Variants in BRINP3 observed in about 807,000 individuals in gnomAD.
BRINP3 encodes the protein BMP/retinoic acid-inducible neural-specific protein 3.
Under a neutral mutation model 71.0 loss-of-function variants are expected in BRINP3, and 19 were observed. The observed-to-expected ratio is 0.27, with a 90% CI of 0.19 to 0.39. BRINP3 has a LOEUF of 0.39. Ranked by LOEUF, BRINP3 falls within the 10% of genes least tolerant of loss-of-function variation. BRINP3 has a pLI of 1.00. For missense variants in BRINP3, 959 were observed against 940.8 expected (o/e 1.02, Z -0.25); for synonymous variants, 380 against 337.7 (o/e 1.13, Z -1.37).
intron 4 of BRINP3, among the ~76,000 whole-genome samples, chr1:190,262,311 T>C (rs1315388553): frequency 6.6e-6 from 1 of 152,142 alleles, no homozygotes; most frequent in East Asian, 1.9e-4. Context: ...GAAATTCCCC[T>C]GAGGTCTAAA....
At chr1:190,184,647 T>G (rs1653347818) in intron 6 of BRINP3, among the ~76,000 whole-genome samples, 1 of 152,168 alleles carries the variant, frequency 6.6e-6, no homozygotes, top group Non-Finnish European at 1.5e-5. Flanking sequence ...AAAAATACTT[T>G]GTCTTCTCAC....
intron 2 of BRINP3, among the ~76,000 whole-genome samples, chr1:190,393,918 T>G (rs1416953615): frequency 6.6e-6 from 1 of 151,614 alleles, no homozygotes; most frequent in African/African-American, 2.4e-5. Flanking sequence ...AAGAAATATA[T>G]AGAGGAAACA....
At chr1:190,404,449 G>A (rs1672132630) in intron 2 of BRINP3, among the ~76,000 whole-genome samples, 1 of 152,116 alleles carries the variant, frequency 6.6e-6, no homozygotes, top group South Asian at 2.1e-4. Context: ...ACGACTTGAT[G>A]TTATGCTCAC....
At chr1:190,380,279 G>C (rs771676225) in intron 2 of BRINP3, among the ~76,000 whole-genome samples, 20 of 152,088 alleles carry the variant, frequency 1.3e-4, no homozygotes, top group Admixed American at 2.0e-4. Context: ...GGGATACCAG[G>C]AATGATCTGC....
At chr1:190,247,833 A>T (rs867398608) in intron 4 of BRINP3, among the ~76,000 whole-genome samples, 9 of 152,064 alleles carry the variant, frequency 5.9e-5, no homozygotes, top group Non-Finnish European at 8.8e-5. Flanking sequence ...ACGGATTTTT[A>T]AAAAATAAAT....
At chr1:190,337,851 G>T (rs968395191) in intron 2 of BRINP3, among the ~76,000 whole-genome samples, 1 of 151,928 alleles carries the variant, frequency 6.6e-6, no homozygotes, top group Non-Finnish European at 1.5e-5. Context: ...TACTATCTAA[G>T]GCCATGCTTG....
At chr1:190,333,205 A>G (rs1667077591) in intron 2 of BRINP3, among the ~76,000 whole-genome samples, 1 of 151,942 alleles carries the variant, frequency 6.6e-6, no homozygotes, top group African/African-American at 2.4e-5. Context: ...TAGATGAGAA[A>G]ATCAATGTAC....
chr1:190,146,018 A>T (rs1353339275), intron 7 of BRINP3, among the ~76,000 whole-genome samples: 1 of 152,166 alleles, frequency 6.6e-6, no homozygotes, highest in East Asian at 1.9e-4. Context: ...ACTTAAAGGC[A>T]TAAAAATGAT....
intron 7 of BRINP3, among the ~76,000 whole-genome samples, chr1:190,102,564 T>A (rs535222055): frequency 1.3e-5 from 2 of 151,872 alleles, no homozygotes; most frequent in African/African-American, 2.4e-5. Flanking sequence ...ATCCCTGACA[T>A]CTGCTTAATA....
intron 2 of BRINP3, among the ~76,000 whole-genome samples, chr1:190,402,161 G>A (rs12060478): frequency 0.18 from 26,739 of 151,920 alleles, 2,379 homozygotes; most frequent in Middle Eastern, 0.22. Flanking sequence ...CACTGATGTC[G>A]TAGATGTAGG....
intron 4 of BRINP3, among the ~76,000 whole-genome samples, chr1:190,255,638 T>C (rs1351818079): frequency 1.3e-5 from 2 of 152,188 alleles, no homozygotes; most frequent in African/African-American, 2.4e-5. Flanking sequence ...ATCCCTTTTG[T>C]CATTTTTTAT....
intron 2 of BRINP3, among the ~76,000 whole-genome samples, chr1:190,406,437 T>C (rs1331967628): frequency 2.0e-5 from 3 of 152,230 alleles, no homozygotes; most frequent in Non-Finnish European, 4.4e-5. Flanking sequence ...CTGCTGCAAG[T>C]GTCAGAACTA....
intron 7 of BRINP3, among the ~76,000 whole-genome samples, chr1:190,122,819 TG>T (rs897024664): frequency 1.3e-5 from 2 of 152,156 alleles, no homozygotes; most frequent in Non-Finnish European, 2.9e-5. Context: ...TGCAGTAATT[TG>T]TTACTGCAAA....
At chr1:190,263,948 T>C (rs1661422533) in intron 4 of BRINP3, among the ~76,000 whole-genome samples, 1 of 152,186 alleles carries the variant, frequency 6.6e-6, no homozygotes, top group Non-Finnish European at 1.5e-5. Context: ...CATAAAGTAA[T>C]ACAACGTTAC....
chr1:190,435,766 T>C (rs1267248408), intron 2 of BRINP3, among the ~76,000 whole-genome samples: 1 of 151,978 alleles, frequency 6.6e-6, no homozygotes, highest in Non-Finnish European at 1.5e-5. Flanking sequence ...TCAAAATCAA[T>C]TGTACAACCA....
rs571240909 is a variant in BRINP3, at chr1:190,197,198, C to A, written c.961+28884G>T. Among the ~76,000 whole-genome samples the A allele has an allele frequency of 1.5e-3, 227 of 152,124 alleles. 1 individual carries two copies. Among genetic ancestry groups the A allele is most frequent in the Non-Finnish European group, 7.6e-4 (52 of 67,990 alleles). On this transcript the variant is annotated intron_variant, in intron 6 of 7. Transcript: ENST00000367462. ...TAAAACCATCAGATCTGATGAGATTCAATTACCTCCCATTGGGTCCCTCCC... is the reference window on the plus strand; with the variant it reads ...TAAAACCATCAGATCTGATGAGATTAAATTACCTCCCATTGGGTCCCTCCC...
At chr1:190,470,376 A>G (rs867298601) in intron 1 of BRINP3, among the ~76,000 whole-genome samples, 14 of 151,222 alleles carry the variant, frequency 9.3e-5, no homozygotes, top group African/African-American at 3.4e-4. Context: ...TCATGTATTT[A>G]TTAATTTAAT....
At chr1:190,313,972 C>T (rs754145496) in intron 2 of BRINP3, among the ~76,000 whole-genome samples, 7 of 151,916 alleles carry the variant, frequency 4.6e-5, no homozygotes, top group Non-Finnish European at 8.8e-5. Flanking sequence ...ACATCAAATG[C>T]AATTCAACAA....
chr1:190,146,164 A>G (rs935508909), intron 7 of BRINP3, among the ~76,000 whole-genome samples: 1 of 152,190 alleles, frequency 6.6e-6, no homozygotes, highest in Non-Finnish European at 1.5e-5. Context: ...GAACTTATCC[A>G]TGTAACCAGA....
Sources: allele counts gnomAD v4.1 joint callset (sites outside exome capture counted in the v4.1 genomes callset), GRCh38; gene constraint gnomAD v4.1.1; transcripts MANE v1.5; gene names NCBI Gene and HGNC (gene_info 2026-07-23, HGNC 2026-07-21).